Variants in GRIA3 observed in about 807,000 individuals in gnomAD.
GRIA3 encodes the protein glutamate receptor 3.
GRIA3 carries 3 observed loss-of-function variants against 63.0 expected under a neutral mutation model. The ratio of observed to expected loss-of-function variants is 0.05; its 90% CI spans 0.02 to 0.12. GRIA3 has a LOEUF of 0.12. GRIA3 is among the 10% of genes least tolerant of loss of function. GRIA3 has a pLI of 1.00. For missense variants in GRIA3, 347 were observed against 700.9 expected (o/e 0.50, Z 5.70); for synonymous variants, 274 against 257.9 (o/e 1.06, Z -0.60).
At chrX:123,429,961 A>C (rs2045609053) in intron 12 of GRIA3, among the ~76,000 whole-genome samples, 1 of 112,235 alleles carries the variant, frequency 8.9e-6, no homozygotes, top group Non-Finnish European at 1.9e-5. Flanking sequence ...GGCTCTCTGG[A>C]AAGATGAAGA....
chrX:123,225,345 C>G (rs1204480477), intron 2 of GRIA3, among the ~76,000 whole-genome samples: 1 of 111,984 alleles, frequency 8.9e-6, no homozygotes, highest in Middle Eastern at 4.2e-3. Context: ...GAGCGAGTAC[C>G]CAATAAATGA....
At chrX:123,237,818 C>G (rs754551245) in intron 2 of GRIA3, among the ~76,000 whole-genome samples, 11 of 111,911 alleles carry the variant, frequency 9.8e-5, no homozygotes, top group African/African-American at 3.6e-4. Context: ...GTAGCTATTT[C>G]TAGCTATTTT....
chrX:123,350,555 T>C (rs2045087368), intron 4 of GRIA3, among the ~76,000 whole-genome samples: 1 of 112,230 alleles, frequency 8.9e-6, no homozygotes, highest in African/African-American at 3.2e-5. Flanking sequence ...AAACATTAAA[T>C]TGAAAAGGAA....
At chrX:123,466,305 C>G (rs1266793324) in intron 13 of GRIA3, among the ~76,000 whole-genome samples, 1 of 111,959 alleles carries the variant, frequency 8.9e-6, no homozygotes, top group Admixed American at 9.5e-5. Context: ...CCCATTTAAG[C>G]AGGCCCCACT....
intron 3 of GRIA3, among the ~76,000 whole-genome samples, chrX:123,280,371 T>G (rs1233296054): frequency 1.8e-5 from 2 of 112,402 alleles, no homozygotes; most frequent in Non-Finnish European, 3.8e-5. Context: ...TTGTGGTGCT[T>G]TTGGGTCTGG....
chrX:123,366,605 CAGCAAT>C (rs1369412821), intron 5 of GRIA3, among the ~76,000 whole-genome samples: 1 of 111,879 alleles, frequency 8.9e-6, no homozygotes, highest in African/African-American at 3.3e-5. Flanking sequence ...TAGAGTGTAA[CAGCAAT>C]ATATTCCACA....
chrX:123,361,347 C>A (rs2147354431), intron 5 of GRIA3: 1 of 111,752 alleles, frequency 8.9e-6, no homozygotes, highest in African/African-American at 3.3e-5. Flanking sequence ...ATCACTGACA[C>A]CTCAGCAGAT....
At chrX:123,427,524 G>C (rs2045596082) in intron 11 of GRIA3, among the ~76,000 whole-genome samples, 2 of 110,697 alleles carry the variant, frequency 1.8e-5, no homozygotes, top group Admixed American at 1.9e-4. Flanking sequence ...GCAGGAGATG[G>C]TAAAAAAAAT....
intron 2 of GRIA3, among the ~76,000 whole-genome samples, chrX:123,197,552 A>G (rs1356348758): frequency 8.9e-6 from 1 of 112,094 alleles, no homozygotes. Context: ...CAGCAACAAC[A>G]ACAAAGACAT....
chrX:123,389,495 T>G (rs936707536), intron 5 of GRIA3, among the ~76,000 whole-genome samples: 1 of 111,363 alleles, frequency 9.0e-6, no homozygotes, highest in South Asian at 3.8e-4. Context: ...GTTTTTGACT[T>G]AAGTCTGTTT....
intron 3 of GRIA3, among the ~76,000 whole-genome samples, chrX:123,321,810 C>A (rs1484922348): frequency 8.9e-6 from 1 of 111,735 alleles, no homozygotes; most frequent in Non-Finnish European, 1.9e-5. Context: ...TCATTGTCAG[C>A]AATTGTGGGA....
intron 5 of GRIA3, among the ~76,000 whole-genome samples, chrX:123,370,671 GTATTT>G (rs935247766): frequency 1.8e-5 from 2 of 110,489 alleles, no homozygotes; most frequent in African/African-American, 3.3e-5. Flanking sequence ...TAGGAATAAT[GTATTT>G]TATTTTATTT....
At chrX:123,434,127 C>A (rs969588806) in intron 12 of GRIA3, among the ~76,000 whole-genome samples, 5 of 111,614 alleles carry the variant, frequency 4.5e-5, no homozygotes, top group Non-Finnish European at 9.4e-5. Flanking sequence ...ACAAGCGCAC[C>A]TATGCAGGGT....
rs190693402 is a variant in GRIA3, at chrX:123,450,934, G to A, written c.2077-13931G>A. 4.0e-3 allele frequency among the ~76,000 whole-genome samples: 446 copies of A among 112,040 alleles called. 1 individual carries two copies. The highest frequency in any genetic ancestry group is 0.014 in the African/African-American group (426 of 30,824). ...AGAAAAGCATTCCAGATGGAATAGCGTTAGCAAAGGCCCTGACATGGGAAT... is the reference window on the plus strand; with the variant it reads ...AGAAAAGCATTCCAGATGGAATAGCATTAGCAAAGGCCCTGACATGGGAAT... On this transcript the variant is annotated intron_variant, in intron 12 of 15. Coordinates refer to ENST00000620443, the MANE Select transcript of GRIA3 (RefSeq NM_007325.5).
At chrX:123,383,500 T>G (rs758161850) in intron 5 of GRIA3, among the ~76,000 whole-genome samples, 1 of 111,165 alleles carries the variant, frequency 9.0e-6, no homozygotes, top group Non-Finnish European at 1.9e-5. Context: ...AGATCAAAAT[T>G]TTTAGCTCCC....
chrX:123,252,126 C>A (rs886609628), intron 2 of GRIA3, among the ~76,000 whole-genome samples: 19 of 112,105 alleles, frequency 1.7e-4, no homozygotes, highest in Non-Finnish European at 3.4e-4. Flanking sequence ...CTCTGACCCA[C>A]TCATCCCCAT....
chrX:123,321,737 T>C (rs979177115), intron 3 of GRIA3, among the ~76,000 whole-genome samples: 12 of 112,174 alleles, frequency 1.1e-4, no homozygotes, highest in Non-Finnish European at 1.7e-4. Context: ...TAGTCACAGA[T>C]GAATCCCCCA....
chrX:123,443,714 C>T (rs1457606856), intron 12 of GRIA3, among the ~76,000 whole-genome samples: 1 of 111,266 alleles, frequency 9.0e-6, no homozygotes, highest in Non-Finnish European at 1.9e-5. Context: ...TCCCCACAAG[C>T]ACTCTTACCT....
intron 3 of GRIA3, among the ~76,000 whole-genome samples, chrX:123,301,219 T>A (rs778338771): frequency 2.7e-5 from 3 of 111,247 alleles, no homozygotes; most frequent in Non-Finnish European, 5.7e-5. Flanking sequence ...GTCCTGAATA[T>A]CTTTGTTAAT....
Sources: gnomAD v4.1 joint callset for allele counts (sites outside exome capture counted in the v4.1 genomes callset) on GRCh38, gnomAD v4.1.1 for gene constraint, MANE v1.5 for transcripts, NCBI Gene and HGNC (gene_info 2026-07-23, HGNC 2026-07-21) for gene names.